Variants in MACROD1 observed in about 807,000 individuals in gnomAD.
MACROD1 encodes the protein mono-ADP ribosylhydrolase 1.
A neutral mutation model predicts 41.4 loss-of-function variants in MACROD1; 31 were observed. The ratio of observed to expected loss-of-function variants is 0.75; its 90% CI spans 0.56 to 1.01. The LOEUF is 1.01. Among genes scored for constraint, MACROD1 ranks in the 50% least tolerant of loss-of-function variants. The pLI is 0.00. For synonymous variants in MACROD1, 252 were observed against 203.4 expected (o/e 1.24, Z -2.03); for missense variants, 473 against 460.0 (o/e 1.03, Z -0.26).
At chr11:64,108,969 G>A (rs1944812458) in intron 3 of MACROD1, among the ~76,000 whole-genome samples, 1 of 152,144 alleles carries the variant, frequency 6.6e-6, no homozygotes, top group South Asian at 2.1e-4. Flanking sequence ...AGGCTGAGGG[G>A]CAAGTGGGGG....
chr11:64,065,030 G>C (rs1210791892), intron 3 of MACROD1, among the ~76,000 whole-genome samples: 1 of 152,164 alleles, frequency 6.6e-6, no homozygotes, highest in Non-Finnish European at 1.5e-5. Context: ...CTGGTGCTAG[G>C]GACATGAGCA....
Position 64,165,752 on chromosome 11 carries a change from C to A in MACROD1, c.243G>T (p.Leu81=), listed in dbSNP as rs1375316096. ...TCAGGTCCACCTTCGCCGCCATGGC[C>A]AGGGGGGCCCAAGTGCGCACCCCGG... ...RTAGVRTWAP[L]AMAAKVDLST... Residue 81 remains leucine (L), a synonymous_variant, in exon 1 of 11, where the codon CTG becomes CTT. Transcript: ENST00000255681. The A allele has an allele frequency of 6.7e-7, 1 of 1,499,294 alleles. No homozygotes were observed. The highest frequency in any genetic ancestry group is 2.7e-5 in the East Asian group (1 of 36,844). The allele number at this position is 1,499,294 out of a possible 1,614,324, so 92.9% of individuals were successfully genotyped here.
intron 3 of MACROD1, among the ~76,000 whole-genome samples, chr11:64,078,013 C>T (rs1373685591): frequency 1.3e-5 from 2 of 152,222 alleles, no homozygotes; most frequent in Non-Finnish European, 2.9e-5. Context: ...AGACGCTCTC[C>T]CCGTGCCCAA....
At chr11:64,046,804 C>T (rs573192770) in intron 3 of MACROD1, among the ~76,000 whole-genome samples, 151 of 152,228 alleles carry the variant, frequency 9.9e-4, no homozygotes, top group African/African-American at 3.2e-3. Context: ...TGGCCTGGCC[C>T]GTTCTTTAAG....
intron 3 of MACROD1, among the ~76,000 whole-genome samples, chr11:64,135,687 C>T (rs1425803346): frequency 6.6e-6 from 1 of 152,234 alleles, no homozygotes; most frequent in Non-Finnish European, 1.5e-5. Flanking sequence ...CCTTCTGCAG[C>T]TTGAGGGGAG....
chr11:64,042,022 G>A (rs1943496506), intron 3 of MACROD1, among the ~76,000 whole-genome samples: 3 of 152,158 alleles, frequency 2.0e-5, no homozygotes, highest in South Asian at 4.1e-4. Flanking sequence ...TTCCTTCTTC[G>A]CTCACTCACT....
chr11:64,057,906 G>A lies in MACROD1; in HGVS notation c.518-42625C>T, dbSNP rs1293360877. Among the ~76,000 whole-genome samples the A allele has an allele frequency of 3.3e-5, 5 of 152,236 alleles. No individual in the cohort carries two copies. In the East Asian group the frequency reaches 9.6e-4, roughly 29 times the overall value. ...TCACAGGATTTGAACTCATGTGGGT[G>A]CAACCCCAAAGCCAGTTTTCTTTCC... On this transcript the variant is annotated intron_variant, in intron 3 of 10. Coordinates refer to ENST00000255681, the MANE Select transcript of MACROD1 (RefSeq NM_014067.4).
chr11:64,083,629 G>A (rs1404459772), intron 3 of MACROD1, among the ~76,000 whole-genome samples: 1 of 152,244 alleles, frequency 6.6e-6, no homozygotes. Flanking sequence ...GCATGTAAGT[G>A]AGTAATGAGA....
chr11:64,142,089 G>A lies in MACROD1; in HGVS notation c.517+9150C>T, dbSNP rs117573912. ...GAAATGCCCACCACCATCCTAATCTGTAAAATGGATCAGCCCCTTCAGGCC... is the reference window on the plus strand; with the variant it reads ...GAAATGCCCACCACCATCCTAATCTATAAAATGGATCAGCCCCTTCAGGCC... On this transcript the variant is annotated intron_variant, in intron 3 of 10. Coordinates refer to ENST00000255681, the MANE Select transcript of MACROD1 (RefSeq NM_014067.4). Among the ~76,000 whole-genome samples, 287 of 152,270 alleles carry A rather than the reference G, an allele frequency of 1.9e-3. 3 individuals are homozygous for A. In the East Asian group the frequency reaches 0.05, roughly 26 times the overall value.
chr11:64,123,214 C>T (rs1212877801), intron 3 of MACROD1, among the ~76,000 whole-genome samples: 28 of 152,194 alleles, frequency 1.8e-4, no homozygotes, highest in South Asian at 6.2e-4. Flanking sequence ...CGGGCGTCCG[C>T]GTGCCTCCTC....
intron 3 of MACROD1, chr11:64,118,475 T>C: frequency 1.7e-6 from 1 of 578,574 alleles, no homozygotes; most frequent in East Asian, 3.1e-5. Context: ...GACAATTTTT[T>C]TTAAAAGAAT....
rs1000873689 is a variant in MACROD1 at position 64,096,509 on chromosome 11, G to A, written c.517+54730C>T. Among the ~76,000 whole-genome samples, 2 of 151,936 alleles carry A rather than the reference G, an allele frequency of 1.3e-5. No individual in the cohort carries two copies. Among genetic ancestry groups the A allele is most frequent in the African/African-American group, 2.4e-5 (1 of 41,350 alleles). On this transcript the variant is annotated intron_variant, in intron 3 of 10. Coordinates refer to ENST00000255681, the MANE Select transcript of MACROD1 (RefSeq NM_014067.4). The surrounding 1 kb of genome is among the most constrained non-coding windows in gnomAD (Gnocchi z 4.6). Reference sequence around the variant, plus strand: ...CGGCTCACTGCAACCTCCGCCTTCCGGGTTCAAGCAATTCTCTTGCCTCAG... The same window carrying A: ...CGGCTCACTGCAACCTCCGCCTTCCAGGTTCAAGCAATTCTCTTGCCTCAG...
chr11:64,145,730 A>C (rs1945486033), intron 3 of MACROD1, among the ~76,000 whole-genome samples: 1 of 152,208 alleles, frequency 6.6e-6, no homozygotes, highest in Admixed American at 6.5e-5. Context: ...GGCCAAAGCC[A>C]GGCAGCTGGA....
At chr11:64,024,025 G>A (rs1015853728) in intron 3 of MACROD1, among the ~76,000 whole-genome samples, 15 of 151,914 alleles carry the variant, frequency 9.9e-5, no homozygotes, top group African/African-American at 3.6e-4. Context: ...CTAAACCCCT[G>A]GCAACATGGA....
chr11:64,020,039 G>T (rs1202220339), intron 3 of MACROD1, among the ~76,000 whole-genome samples: 1 of 152,158 alleles, frequency 6.6e-6, no homozygotes, highest in Non-Finnish European at 1.5e-5. Context: ...ACACTTTTAG[G>T]GGCCCACAAA....
chr11:64,157,002 T>C (rs906512533), intron 1 of MACROD1, among the ~76,000 whole-genome samples: 3 of 152,196 alleles, frequency 2.0e-5, no homozygotes, highest in African/African-American at 7.2e-5. Flanking sequence ...TGTCCTCTTA[T>C]CGGCAATCCT....
At chr11:64,010,799 CTGGCATGTTGGT>C (rs1943000242) in intron 4 of MACROD1, among the ~76,000 whole-genome samples, 1 of 119,364 alleles carries the variant, frequency 8.4e-6, no homozygotes, top group Admixed American at 9.1e-5. Context: ...GGGATGTTGG[CTGGCATGTTGGT>C]TGGGGTATTG....
intron 3 of MACROD1, among the ~76,000 whole-genome samples, chr11:64,080,100 C>T (rs1944276615): frequency 6.6e-6 from 1 of 152,196 alleles, no homozygotes; most frequent in Non-Finnish European, 1.5e-5. Flanking sequence ...GCAACCTCCG[C>T]CTCCCAGGTT....
intron 3 of MACROD1, among the ~76,000 whole-genome samples, chr11:64,147,726 G>A (rs1334876304): frequency 1.4e-5 from 2 of 137,968 alleles, no homozygotes; most frequent in African/African-American, 5.4e-5. Flanking sequence ...ACCTGGCCCA[G>A]AATCTGATGT....
Sources: gnomAD v4.1 joint callset for allele counts (sites outside exome capture counted in the v4.1 genomes callset) on GRCh38, gnomAD v4.1.1 for gene constraint, Gnocchi (gnomAD v3.1) non-coding constraint, MANE v1.5 for transcripts, NCBI Gene and HGNC (gene_info 2026-07-23, HGNC 2026-07-21) for gene names.